PTPRT: variants seen among roughly 807,000 people sequenced by gnomAD.
PTPRT encodes protein tyrosine phosphatase receptor type T, also known as receptor-type tyrosine-protein phosphatase T.
A neutral mutation model predicts 176.8 loss-of-function variants in PTPRT; 56 were observed. The ratio of observed to expected loss-of-function variants is 0.32; its 90% CI spans 0.26 to 0.40. The LOEUF is 0.40. Ranked by LOEUF, PTPRT falls within the 10% of genes least tolerant of loss-of-function variation. The pLI, the probability that PTPRT is intolerant of heterozygous loss-of-function variation, is 1.00. For missense variants in PTPRT, 1,540 were observed against 1,908.2 expected, an observed-to-expected ratio of 0.81 and a Z score of 3.60; for synonymous variants, 783 against 739.0, an observed-to-expected ratio of 1.06 and a Z score of -0.96.
chr20:42,564,933 T>TCC (rs2073013530), intron 7 of PTPRT, among the ~76,000 whole-genome samples: 1 of 152,042 alleles, frequency 6.6e-6, no homozygotes, highest in South Asian at 2.1e-4. Context: ...ATCCAAGAAT[T>TCC]TTAGTATCCA....
At chr20:42,372,433 A>G (rs1349747026) in intron 9 of PTPRT, among the ~76,000 whole-genome samples, 3 of 151,734 alleles carry the variant, frequency 2.0e-5, no homozygotes, top group Admixed American at 2.0e-4. Flanking sequence ...ATAGGCATGC[A>G]CCACCATGCC....
At chr20:42,634,013 T>A (rs1200281965) in intron 7 of PTPRT, among the ~76,000 whole-genome samples, 4 of 29,036 alleles carry the variant, frequency 1.4e-4, no homozygotes, top group Non-Finnish European at 2.2e-4. Flanking sequence ...ATATATATAA[T>A]ATATATATAA....
chr20:42,686,234 GC>G (rs2075688912), intron 6 of PTPRT: 1 of 152,204 alleles, frequency 6.6e-6, no homozygotes, highest in Admixed American at 6.5e-5. Flanking sequence ...AATACCGCCT[GC>G]TCTGTGGCTA....
chr20:42,240,321 T>G (rs1422085261), intron 14 of PTPRT, among the ~76,000 whole-genome samples: 1 of 151,868 alleles, frequency 6.6e-6, no homozygotes, highest in Non-Finnish European at 1.5e-5. Flanking sequence ...ACAGTTTACA[T>G]GTGTGTTTTT....
intron 1 of PTPRT, among the ~76,000 whole-genome samples, chr20:43,133,864 C>T (rs557683704): frequency 5.3e-5 from 8 of 152,192 alleles, no homozygotes; most frequent in South Asian, 4.1e-4. Flanking sequence ...GTTTCTGATT[C>T]AGTAGACCTG....
chr20:42,655,957 A>T (rs537081402), intron 7 of PTPRT, among the ~76,000 whole-genome samples: 1 of 152,198 alleles, frequency 6.6e-6, no homozygotes, highest in Non-Finnish European at 1.5e-5. Flanking sequence ...TGTGTAATGA[A>T]GAGAGAATTG....
At chr20:42,775,366 G>A (rs910533354) in intron 4 of PTPRT, among the ~76,000 whole-genome samples, 1 of 152,172 alleles carries the variant, frequency 6.6e-6, no homozygotes, top group Admixed American at 6.5e-5. Flanking sequence ...GATGCTCTGT[G>A]GGCTCGGGGA....
Position 42,716,261 on chromosome 20 carries a change from A to G in PTPRT, c.860-38102T>C, listed in dbSNP as rs532750789. 8.5e-5 allele frequency among the ~76,000 whole-genome samples: 13 copies of G among 152,336 alleles called. No homozygotes were observed. In the South Asian group the frequency reaches 2.7e-3, roughly 32 times the overall value. ...TTTAAAAAAAAATTGCAGAGGGTAT[A>G]TACCCAGTAATGGGATGGCTGGGTC... On this transcript the variant is annotated intron_variant, in intron 6 of 30. Transcript: ENST00000373187.
At chr20:42,802,662 C>T (rs1215821347) in intron 2 of PTPRT, among the ~76,000 whole-genome samples, 1 of 152,018 alleles carries the variant, frequency 6.6e-6, no homozygotes, top group Non-Finnish European at 1.5e-5. Context: ...AAGCTATTTC[C>T]TTTTTTGAAG....
At chr20:42,443,777 G>A (rs781363484) in intron 9 of PTPRT, among the ~76,000 whole-genome samples, 9 of 152,194 alleles carry the variant, frequency 5.9e-5, no homozygotes, top group Non-Finnish European at 1.2e-4. Context: ...TTACTAAAAA[G>A]AGGGTGTCAA....
chr20:42,973,396 G>A (rs2146070344), intron 1 of PTPRT, among the ~76,000 whole-genome samples: 1 of 152,252 alleles, frequency 6.6e-6, no homozygotes, highest in East Asian at 1.9e-4. Flanking sequence ...CCTCCCCAGA[G>A]GAACTGTTGC....
chr20:42,886,888 C>G (rs971026356), intron 1 of PTPRT, among the ~76,000 whole-genome samples: 1 of 152,160 alleles, frequency 6.6e-6, no homozygotes, highest in African/African-American at 2.4e-5. Context: ...ATGGGAGCAT[C>G]TCCATGGGCG....
intron 9 of PTPRT, among the ~76,000 whole-genome samples, chr20:42,419,227 A>C (rs760594984): frequency 2.1e-4 from 32 of 152,128 alleles, no homozygotes; most frequent in Non-Finnish European, 4.0e-4. Context: ...ATCCCACCCA[A>C]TATGTGGCCA....
intron 7 of PTPRT, among the ~76,000 whole-genome samples, chr20:42,500,655 C>T (rs188638769): frequency 3.3e-4 from 50 of 152,136 alleles, no homozygotes; most frequent in Non-Finnish European, 5.1e-4. Context: ...GCATCCCTTC[C>T]TCACTTTCCC....
chr20:42,843,384 A>T (rs1267142345), intron 2 of PTPRT, among the ~76,000 whole-genome samples: 1 of 152,122 alleles, frequency 6.6e-6, no homozygotes, highest in Non-Finnish European at 1.5e-5. Context: ...GACTGCTCCC[A>T]CCACGGCCTC....
intron 17 of PTPRT, among the ~76,000 whole-genome samples, chr20:42,157,599 G>A (rs1989414374): frequency 6.6e-6 from 1 of 151,788 alleles, no homozygotes; most frequent in African/African-American, 2.4e-5. Flanking sequence ...ACCCACCTCA[G>A]CCTTTCAAAG....
At chr20:42,051,111 T>C in the PTPRT span, among the ~76,000 whole-genome samples, 1 of 152,204 alleles carries the variant, frequency 6.6e-6, no homozygotes, top group Non-Finnish European at 1.5e-5. Flanking sequence ...AGCAGCACCA[T>C]GGAGACCAGC....
At chr20:42,926,069 A>T (rs1979464197) in intron 1 of PTPRT, among the ~76,000 whole-genome samples, 1 of 152,208 alleles carries the variant, frequency 6.6e-6, no homozygotes, top group Non-Finnish European at 1.5e-5. Flanking sequence ...GTAGGCAGGA[A>T]GTTGCCCACT....
At chr20:42,820,140 T>G in intron 2 of PTPRT, among the ~76,000 whole-genome samples, 1 of 144,312 alleles carries the variant, frequency 6.9e-6, no homozygotes, top group Admixed American at 7.0e-5. Flanking sequence ...CACATGGCAC[T>G]TATGCTAAAT....
Sources: allele counts gnomAD v4.1 joint callset (sites outside exome capture counted in the v4.1 genomes callset), GRCh38; gene constraint gnomAD v4.1.1; transcripts MANE v1.5; gene names NCBI Gene and HGNC (gene_info 2026-07-23, HGNC 2026-07-21).